Variants in LNPEP observed in about 807,000 individuals in gnomAD.
The protein encoded by LNPEP is leucyl-cystinyl aminopeptidase.
In LNPEP, 64 loss-of-function variants were observed where a neutral mutation model predicts 120.6. The ratio of observed to expected loss-of-function variants is 0.53; its 90% confidence interval spans 0.43 to 0.65. LNPEP has a LOEUF of 0.65. Among genes scored for constraint, LNPEP ranks in the 30% least tolerant of loss-of-function variants. The pLI, the probability that LNPEP is intolerant of heterozygous loss-of-function variation, is 0.00. For synonymous variants in LNPEP, 435 were observed against 425.4 expected, an observed-to-expected ratio of 1.02 and a Z score of -0.28; for missense variants, 1,057 against 1,200.0, an observed-to-expected ratio of 0.88 and a Z score of 1.76.
intron 13 of LNPEP, 74 bp from the exon 14 acceptor site, chr5:97,022,226 G>A (rs1791218384): frequency 2.2e-6 from 2 of 924,198 alleles, no homozygotes; most frequent in African/African-American, 1.7e-5. Flanking sequence ...ACTGCACCTG[G>A]CTGTAATTGT....
At chr5:97,008,532 TG>T (rs1179399330) in intron 11 of LNPEP, among the ~76,000 whole-genome samples, 1 of 151,260 alleles carries the variant, frequency 6.6e-6, no homozygotes, top group Non-Finnish European at 1.5e-5. Context: ...TTGTATTTTT[TG>T]TAGAGACAGG....
rs1202959884 is a variant in LNPEP, at chr5:97,033,797, T to C, written c.*5264T>C. 3.3e-5 allele frequency: 5 copies of C among 152,278 alleles called. No homozygotes were observed. In the South Asian group the frequency reaches 8.3e-4, roughly 25 times the overall value. 9.4% of individuals were successfully genotyped at this position (152,278 alleles called of 1,614,324 possible). On this transcript the variant is annotated 3_prime_UTR_variant, in exon 18 of 18. Coordinates refer to ENST00000231368, the MANE Select transcript of LNPEP (RefSeq NM_005575.3). ...TGTACATATTTTTATTTCTTTATTATAGTGTTTCATTGGGTACCCGGTCCT... is the reference window on the plus strand; with the variant it reads ...TGTACATATTTTTATTTCTTTATTACAGTGTTTCATTGGGTACCCGGTCCT...
chr5:96,955,777 A>G (rs1789454052), intron 1 of LNPEP, among the ~76,000 whole-genome samples: 1 of 152,218 alleles, frequency 6.6e-6, no homozygotes. Context: ...CTTTGTATAG[A>G]CATTCAGTTT....
chr5:96,941,113 A>T (rs1230730957), intron 1 of LNPEP, among the ~76,000 whole-genome samples: 1 of 152,138 alleles, frequency 6.6e-6, no homozygotes, highest in Non-Finnish European at 1.5e-5. Flanking sequence ...GTGGTGGGAG[A>T]CAGTGACAGA....
At chr5:97,006,331 A>C (rs1790781701) in intron 10 of LNPEP, 96 bp from the exon 11 acceptor site, 4 of 1,285,346 alleles carry the variant, frequency 3.1e-6, no homozygotes, top group South Asian at 1.3e-5. Flanking sequence ...AAACCTAACA[A>C]GATTATCCCT....
chr5:96,963,592 A>G (rs1484301775), intron 1 of LNPEP, among the ~76,000 whole-genome samples: 1 of 152,224 alleles, frequency 6.6e-6, no homozygotes, highest in South Asian at 2.1e-4. Flanking sequence ...GTTGAAAGCT[A>G]CAAGGCCTCT....
At position 96,936,956 on chromosome 5, in the gene LNPEP, C is replaced by T. The variant is rs796589237; in HGVS notation, c.19+782C>T. On this transcript the variant is annotated intron_variant, in intron 1 of 17. Transcript: ENST00000231368. ...CACTGAACGGGGAGCATAAATCCCA[C>T]CCTAGTTAGAACCATGGCTTTTGTG... 7 of 152,388 alleles carry T rather than the reference C, an allele frequency of 4.6e-5. 1 individual carries two copies. Among genetic ancestry groups the T allele is most frequent in the African/African-American group, 1.7e-4 (7 of 41,570 alleles). The allele number at this position is 152,388 out of a possible 1,614,324, so 9.4% of individuals were successfully genotyped here. A position where few individuals can be genotyped will look rare whatever the true frequency, so the allele number is the denominator to read the frequency against.
In LNPEP at chr5:97,027,754, C is replaced by T. The variant is rs761348396; in HGVS notation, c.2886C>T (p.Thr962=). ...TCAGGTTCCCTCTGGGGTCCTATAC[C>T]ATACAAAATATTGTTGCTGGATCAA... is the stretch of plus-strand genomic sequence containing the variant. ...LVQKFPLGSY[T]IQNIVAGSTY... The change falls in exon 17 of 18, where the codon ACC becomes ACT. Residue 962 remains threonine, a synonymous_variant. Coordinates refer to ENST00000231368, the MANE Select transcript of LNPEP (RefSeq NM_005575.3). The T allele has an allele frequency of 1.2e-6, 2 of 1,605,542 alleles. No homozygotes were observed. Among genetic ancestry groups the T allele is most frequent in the Non-Finnish European group, 1.7e-6 (2 of 1,172,214 alleles).
At chr5:96,953,130 A>G (rs958868470) in intron 1 of LNPEP, among the ~76,000 whole-genome samples, 1 of 148,344 alleles carries the variant, frequency 6.7e-6, no homozygotes, top group Non-Finnish European at 1.5e-5. Flanking sequence ...GGGTTTGACT[A>G]TACCTGGAAC....
chr5:97,001,061 G>A (rs959884399), intron 8 of LNPEP, among the ~76,000 whole-genome samples: 2 of 152,182 alleles, frequency 1.3e-5, no homozygotes, highest in Non-Finnish European at 2.9e-5. Flanking sequence ...TTTATTCTAA[G>A]TGAAACGAAA....
chr5:97,027,835 A>G, intron 17 of LNPEP, 21 bp downstream of exon 17: 1 of 1,465,712 alleles, frequency 6.8e-7, no homozygotes, highest in African/African-American at 1.4e-5. Context: ...TAAAATGATA[A>G]TACAGAGACT....
intron 8 of LNPEP, among the ~76,000 whole-genome samples, chr5:97,002,847 A>G (rs903549004): frequency 1.3e-5 from 2 of 152,176 alleles, no homozygotes; most frequent in Non-Finnish European, 2.9e-5. Context: ...CCTTAATATT[A>G]TGCTCCCTGC....
chr5:96,969,874 G>A (rs1789819524), intron 1 of LNPEP, among the ~76,000 whole-genome samples: 1 of 150,790 alleles, frequency 6.6e-6, no homozygotes, highest in African/African-American at 2.4e-5. Context: ...CTTGAATTTT[G>A]ATATATTATG....
chr5:97,011,249 A>G (rs1355360431), intron 11 of LNPEP: 1 of 935,896 alleles, frequency 1.1e-6, no homozygotes, highest in Admixed American at 6.2e-5. Context: ...TATTAGAGAC[A>G]GGGTCCTGCT....
chr5:97,005,237 G>A (rs938923812), intron 9 of LNPEP, among the ~76,000 whole-genome samples: 4 of 152,078 alleles, frequency 2.6e-5, no homozygotes, highest in African/African-American at 7.2e-5. Context: ...ATCAATTTAG[G>A]TACATCATGA....
At chr5:96,996,645 C>A in intron 7 of LNPEP, 142 bp downstream of exon 7, 1 of 560,370 alleles carries the variant, frequency 1.8e-6, no homozygotes. Context: ...TTATTGATAT[C>A]TATACCTTTT....
At chr5:97,004,812 T>G (rs1180284306) in intron 9 of LNPEP, among the ~76,000 whole-genome samples, 1 of 152,226 alleles carries the variant, frequency 6.6e-6, no homozygotes, top group African/African-American at 2.4e-5. Context: ...AAATCATTGT[T>G]TTTTTCCTCT....
rs1322723861 is a variant in LNPEP at position 97,033,833 on chromosome 5, G to A, written c.*5300G>A. On this transcript the variant is annotated 3_prime_UTR_variant, in exon 18 of 18. Coordinates refer to ENST00000231368, the MANE Select transcript of LNPEP (RefSeq NM_005575.3). ...TGGGTACCCGGTCCTTCACTTGGAT[G>A]TGTAGGTTCCTAATGAGCCATGGAG... The A allele has an allele frequency of 6.6e-6, 1 of 152,054 alleles. No individual in the cohort carries two copies. Among genetic ancestry groups the A allele is most frequent in the African/African-American group, 2.4e-5 (1 of 41,396 alleles). 9.4% of individuals were successfully genotyped at this position (152,054 alleles called of 1,614,324 possible).
chr5:96,954,855 T>C (rs1789424993), intron 1 of LNPEP, among the ~76,000 whole-genome samples: 1 of 135,258 alleles, frequency 7.4e-6, no homozygotes, highest in South Asian at 2.5e-4. Context: ...CGATCTCGGC[T>C]CACTGCAAGC....
Sources: allele counts gnomAD v4.1 joint callset (sites outside exome capture counted in the v4.1 genomes callset), GRCh38; gene constraint gnomAD v4.1.1; transcripts MANE v1.5; gene names NCBI Gene and HGNC (gene_info 2026-07-23, HGNC 2026-07-21).